The following SPAG16 variants were observed in gnomAD, a reference collection of about 807,000 sequenced individuals.
SPAG16 encodes the protein sperm-associated antigen 16 protein.
SPAG16 carries 86 observed loss-of-function variants against 80.4 expected under a neutral mutation model. The observed-to-expected ratio is 1.07, with a 90% CI of 0.90 to 1.28. The LOEUF is 1.28. Ranked by LOEUF, SPAG16 falls within the 50% of genes most tolerant of loss-of-function variation. The probability of loss-of-function intolerance (pLI) is 0.00; values close to 1 mark genes in which losing one functional copy is unlikely to be tolerated. For synonymous variants in SPAG16, 294 were observed against 265.9 expected, an observed-to-expected ratio of 1.11 and a Z score of -1.03; for missense variants, 870 against 765.3, an observed-to-expected ratio of 1.14 and a Z score of -1.61.
At chr2:214,296,829 C>T (rs559988277) in intron 15 of SPAG16, among the ~76,000 whole-genome samples, 4 of 152,164 alleles carry the variant, frequency 2.6e-5, no homozygotes, top group Non-Finnish European at 5.9e-5. Context: ...AGACAGATCC[C>T]TCATGAATGG....
At chr2:213,998,490 G>T (rs915572067) in intron 12 of SPAG16, among the ~76,000 whole-genome samples, 8 of 152,196 alleles carry the variant, frequency 5.3e-5, no homozygotes, top group Admixed American at 1.3e-4. Context: ...CCCCAGCCAT[G>T]CAGAACTCTA....
intron 9 of SPAG16, among the ~76,000 whole-genome samples, chr2:213,425,660 A>G (rs578221089): frequency 6.6e-6 from 1 of 152,078 alleles, no homozygotes; most frequent in Admixed American, 6.6e-5. Flanking sequence ...TCAAAAAAAA[A>G]AAAAAAAAAA....
chr2:213,520,837 C>T (rs1281354220), intron 10 of SPAG16, among the ~76,000 whole-genome samples: 1 of 152,178 alleles, frequency 6.6e-6, no homozygotes, highest in Non-Finnish European at 1.5e-5. Flanking sequence ...ATCAGTCACT[C>T]AGTTGGAGAT....
intron 13 of SPAG16, among the ~76,000 whole-genome samples, chr2:214,026,037 A>C (rs1280630204): frequency 1.3e-5 from 2 of 151,540 alleles, no homozygotes; most frequent in African/African-American, 4.8e-5. Flanking sequence ...GGGCTGAAGA[A>C]ATATCAGCAA....
intron 9 of SPAG16, among the ~76,000 whole-genome samples, chr2:213,466,326 A>G (rs925073824): frequency 6.6e-6 from 1 of 152,154 alleles, no homozygotes; most frequent in Non-Finnish European, 1.5e-5. Context: ...AAGATTTAAC[A>G]TCTTCCCTAT....
intron 9 of SPAG16, among the ~76,000 whole-genome samples, chr2:213,384,837 C>T (rs939052966): frequency 1.3e-5 from 2 of 152,166 alleles, no homozygotes; most frequent in Non-Finnish European, 2.9e-5. Flanking sequence ...ATCTTTCAGC[C>T]CTTTAAAGAT....
chr2:213,351,922 C>A (rs535197938), intron 7 of SPAG16, among the ~76,000 whole-genome samples: 3 of 152,212 alleles, frequency 2.0e-5, no homozygotes, highest in African/African-American at 7.2e-5. Context: ...ATCATCCCCA[C>A]GTGTCAAGGG....
intron 10 of SPAG16, among the ~76,000 whole-genome samples, chr2:213,658,832 A>G (rs1338482412): frequency 1.3e-5 from 2 of 152,130 alleles, no homozygotes; most frequent in Non-Finnish European, 1.5e-5. Context: ...AAGTCAGGAG[A>G]TGAGACCATC....
intron 12 of SPAG16, among the ~76,000 whole-genome samples, chr2:213,960,279 T>C (rs2044346534): frequency 6.6e-6 from 1 of 152,170 alleles, no homozygotes; most frequent in African/African-American, 2.4e-5. Context: ...TTATTCTTTT[T>C]TTGCTTTCTC....
chr2:213,978,722 A>T (rs1288748627), intron 12 of SPAG16, among the ~76,000 whole-genome samples: 2 of 152,088 alleles, frequency 1.3e-5, no homozygotes, highest in Non-Finnish European at 2.9e-5. Flanking sequence ...TGCTATAGGC[A>T]CATTGTTTTC....
chr2:213,988,726 G>A (rs777066906), intron 12 of SPAG16, among the ~76,000 whole-genome samples: 9 of 150,852 alleles, frequency 6.0e-5, no homozygotes, highest in Non-Finnish European at 1.2e-4. Context: ...TAAATACACA[G>A]GTATAACTCT....
At chr2:214,263,539 C>A (rs1330778030) in intron 15 of SPAG16, among the ~76,000 whole-genome samples, 1 of 152,130 alleles carries the variant, frequency 6.6e-6, no homozygotes, top group Non-Finnish European at 1.5e-5. Flanking sequence ...ATAACCTTGG[C>A]TGTTATACTT....
At chr2:213,861,723 T>C (rs1280535987) in intron 10 of SPAG16, among the ~76,000 whole-genome samples, 1 of 152,208 alleles carries the variant, frequency 6.6e-6, no homozygotes, top group Non-Finnish European at 1.5e-5. Flanking sequence ...TTGTAGACTT[T>C]TGATTTTAAA....
intron 15 of SPAG16, among the ~76,000 whole-genome samples, chr2:214,156,168 A>T (rs1037214990): frequency 6.6e-5 from 10 of 152,338 alleles, no homozygotes; most frequent in Admixed American, 5.9e-4. Context: ...GGAAGAAAAC[A>T]CTAAAAGAGA....
intron 14 of SPAG16, among the ~76,000 whole-genome samples, chr2:214,109,863 A>G (rs2053575832): frequency 6.6e-6 from 1 of 152,206 alleles, no homozygotes; most frequent in Non-Finnish European, 1.5e-5. Flanking sequence ...TTTTATGCTG[A>G]AAGTCCATTA....
At chr2:213,529,297 C>G (rs2075989733) in intron 10 of SPAG16, among the ~76,000 whole-genome samples, 2 of 152,138 alleles carry the variant, frequency 1.3e-5, no homozygotes, top group Non-Finnish European at 1.5e-5. Context: ...GCTGGTCAAC[C>G]AGGCTTCCCT....
chr2:214,258,778 C>G (rs1051081423), intron 15 of SPAG16, among the ~76,000 whole-genome samples: 24 of 151,784 alleles, frequency 1.6e-4, no homozygotes, highest in African/African-American at 5.6e-4. Flanking sequence ...AGCCGCCTTC[C>G]TTTCTTCAGT....
chr2:213,335,568 TTA>T (rs1218838270), intron 5 of SPAG16, among the ~76,000 whole-genome samples: 1 of 143,902 alleles, frequency 6.9e-6, no homozygotes, highest in African/African-American at 2.4e-5. Context: ...TGTTGTCAGC[TTA>T]TGTTATTTGT....
intron 13 of SPAG16, among the ~76,000 whole-genome samples, chr2:214,016,953 A>T (rs1164510014): frequency 1.3e-5 from 2 of 152,206 alleles, no homozygotes; most frequent in Non-Finnish European, 2.9e-5. Context: ...ATGGACATGC[A>T]GATGGTGTTA....
Sources: allele counts gnomAD v4.1 joint callset (sites outside exome capture counted in the v4.1 genomes callset), GRCh38; gene constraint gnomAD v4.1.1; transcripts MANE v1.5; gene names NCBI Gene and HGNC (gene_info 2026-07-23, HGNC 2026-07-21).